Variants in RANBP2 observed in about 807,000 individuals in gnomAD.
The protein encoded by RANBP2 is RAN binding protein 2.
Under a neutral mutation model 303.6 loss-of-function variants are expected in RANBP2, and 57 were observed. The observed-to-expected ratio is 0.19, with a 90% confidence interval of 0.15 to 0.23. The LOEUF (loss-of-function observed/expected upper bound fraction) is 0.23, where lower values mean the gene tolerates loss of function less well. Among genes scored for constraint, RANBP2 ranks in the 10% least tolerant of loss-of-function variants. The pLI is 1.00. For synonymous variants in RANBP2, 1,167 were observed against 1,301.5 expected, an observed-to-expected ratio of 0.90 and a Z score of 2.23; for missense variants, 3,138 against 3,780.8, an observed-to-expected ratio of 0.83 and a Z score of 4.46.
chr2:109,097,830 G>C, the RANBP2 span, among the ~76,000 whole-genome samples: 1 of 151,888 alleles, frequency 6.6e-6, no homozygotes, highest in Admixed American at 6.6e-5. Flanking sequence ...TCGGGGACAG[G>C]CATGTTCCAT....
At chr2:109,023,409 C>G in the RANBP2 span, among the ~76,000 whole-genome samples, 1 of 152,254 alleles carries the variant, frequency 6.6e-6, no homozygotes, top group East Asian at 1.9e-4. Context: ...TTTGTATGCA[C>G]AAAATAATAA....
the RANBP2 span, among the ~76,000 whole-genome samples, chr2:109,650,201 T>C: frequency 6.6e-6 from 1 of 152,194 alleles, no homozygotes; most frequent in South Asian, 2.1e-4. Flanking sequence ...ACACACAGCA[T>C]GAATCGGGTT....
chr2:109,343,744 CTT>C, the RANBP2 span, among the ~76,000 whole-genome samples: 2 of 143,766 alleles, frequency 1.4e-5, no homozygotes, highest in African/African-American at 2.6e-5. Context: ...CCCTGGTTTC[CTT>C]TTTTTTTTTT....
chr2:109,004,598 C>T, the RANBP2 span, among the ~76,000 whole-genome samples: 1 of 152,178 alleles, frequency 6.6e-6, no homozygotes, highest in African/African-American at 2.4e-5. Context: ...TGCAAAGGCA[C>T]AGTGAGAAGC....
At chr2:109,658,826 G>A in the RANBP2 span, among the ~76,000 whole-genome samples, 1 of 152,032 alleles carries the variant, frequency 6.6e-6, no homozygotes, top group African/African-American at 2.4e-5. Context: ...CAGCACTTTG[G>A]GAGGCCAAGA....
the RANBP2 span, among the ~76,000 whole-genome samples, chr2:109,265,008 C>A: frequency 6.6e-6 from 1 of 152,232 alleles, no homozygotes; most frequent in East Asian, 1.9e-4. Context: ...GTCTTAGAGG[C>A]ATCATCAGCC....
the RANBP2 span, among the ~76,000 whole-genome samples, chr2:109,359,284 A>G: frequency 6.6e-6 from 1 of 152,212 alleles, no homozygotes; most frequent in Non-Finnish European, 1.5e-5. Context: ...AAACTTTAGA[A>G]TCAGTTGGTC....
At chr2:109,221,224 A>T in the RANBP2 span, among the ~76,000 whole-genome samples, 1 of 152,144 alleles carries the variant, frequency 6.6e-6, no homozygotes, top group Non-Finnish European at 1.5e-5. Context: ...GCCTCTCTTA[A>T]TTTTTTTCTT....
chr2:109,302,272 G>C, the RANBP2 span, among the ~76,000 whole-genome samples: 2 of 133,504 alleles, frequency 1.5e-5, no homozygotes, highest in Admixed American at 1.7e-4. Context: ...GAATCCTGGG[G>C]CATTTTTTTG....
the RANBP2 span, among the ~76,000 whole-genome samples, chr2:109,704,973 A>G: frequency 6.6e-6 from 1 of 152,100 alleles, no homozygotes; most frequent in Non-Finnish European, 1.5e-5. Context: ...TTACAAAATG[A>G]AGCAATGAGA....
At chr2:108,878,266 C>T in the RANBP2 span, 1 of 158,998 alleles carries the variant, frequency 6.3e-6, no homozygotes, top group East Asian at 1.8e-4. Context: ...GCTCTTCCTT[C>T]CTCCATCATC....
chr2:109,170,823 T>A, the RANBP2 span, among the ~76,000 whole-genome samples: 4 of 152,220 alleles, frequency 2.6e-5, no homozygotes, highest in African/African-American at 9.6e-5. Context: ...GGGCATAGTT[T>A]ACCTGTGAAC....
At chr2:109,111,595 CTTTTTTTTTTTTTAGG>C in the RANBP2 span, among the ~76,000 whole-genome samples, 1 of 138,146 alleles carries the variant, frequency 7.2e-6, no homozygotes, top group Non-Finnish European at 1.6e-5. Flanking sequence ...TTTTTCTTTT[CTTTTTTTTTTTTTAGG>C]TTTTTTTTAA....
the RANBP2 span, among the ~76,000 whole-genome samples, chr2:109,203,283 A>G: frequency 6.6e-6 from 1 of 152,212 alleles, no homozygotes; most frequent in Non-Finnish European, 1.5e-5. Context: ...TGTAATTAAG[A>G]GGCTACAGGT....
At chr2:109,150,398 C>T in the RANBP2 span, among the ~76,000 whole-genome samples, 6 of 152,004 alleles carry the variant, frequency 3.9e-5, no homozygotes, top group East Asian at 3.8e-4. Flanking sequence ...TGATGATAGT[C>T]GAAGCCATTT....
the RANBP2 span, among the ~76,000 whole-genome samples, chr2:109,415,021 G>C: frequency 6.6e-6 from 1 of 152,240 alleles, no homozygotes; most frequent in Non-Finnish European, 1.5e-5. Flanking sequence ...GGAAGCAGAG[G>C]CCAGAGTCAG....
At chr2:108,733,257 CTTTTTTTTT>C (rs34665362) in intron 4 of RANBP2, among the ~76,000 whole-genome samples, 2 of 85,004 alleles carry the variant, frequency 2.4e-5, no homozygotes, top group Non-Finnish European at 4.3e-5. Context: ...TAACCATTCC[CTTTTTTTTT>C]TTTTTTTTTT....
chr2:109,480,207 C>T, the RANBP2 span, among the ~76,000 whole-genome samples: 11 of 152,360 alleles, frequency 7.2e-5, no homozygotes, highest in Admixed American at 5.2e-4. Context: ...CTGCATGGCA[C>T]CAAACATCTG....
At chr2:109,735,120 A>G in the RANBP2 span, among the ~76,000 whole-genome samples, 2 of 152,196 alleles carry the variant, frequency 1.3e-5, no homozygotes, top group Admixed American at 1.3e-4. Flanking sequence ...CTATCCAGCT[A>G]TAATTTTTTG....
Sources: allele counts gnomAD v4.1 joint callset (sites outside exome capture counted in the v4.1 genomes callset), GRCh38; gene constraint gnomAD v4.1.1; transcripts MANE v1.5; gene names NCBI Gene and HGNC (gene_info 2026-07-23, HGNC 2026-07-21).